TOX2: variants seen among roughly 807,000 people sequenced by gnomAD.
TOX2 encodes the protein TOX high mobility group box family member 2.
A neutral mutation model predicts 47.4 loss-of-function variants in TOX2; 15 were observed. The observed-to-expected ratio is 0.32, with a 90% CI of 0.21 to 0.49. The LOEUF (loss-of-function observed/expected upper bound fraction) is 0.49. Among genes scored for constraint, TOX2 ranks in the 20% least tolerant of loss-of-function variants. TOX2 has a pLI of 0.99. For synonymous variants in TOX2, 290 were observed against 296.6 expected (o/e 0.98, Z 0.23); for missense variants, 622 against 673.1 (o/e 0.92, Z 0.84).
At chr20:43,948,155 A>G (rs2069502339) in intron 1 of TOX2, among the ~76,000 whole-genome samples, 1 of 152,210 alleles carries the variant, frequency 6.6e-6, no homozygotes, top group Non-Finnish European at 1.5e-5. Flanking sequence ...GAGGCCCTGG[A>G]GAGCTTTTGC....
intron 3 of TOX2, among the ~76,000 whole-genome samples, chr20:44,032,019 G>T (rs1321102637): frequency 6.6e-6 from 1 of 152,212 alleles, no homozygotes; most frequent in Non-Finnish European, 1.5e-5. Flanking sequence ...TATGTTAGCA[G>T]GTGTTAAGTA....
At chr20:43,963,460 C>T (rs1011706460) in intron 1 of TOX2, among the ~76,000 whole-genome samples, 7 of 152,182 alleles carry the variant, frequency 4.6e-5, no homozygotes, top group African/African-American at 1.7e-4. Flanking sequence ...CATGAGGTCA[C>T]CTTCTCTGGT....
chr20:44,046,926 A>G (rs572089368), intron 3 of TOX2, among the ~76,000 whole-genome samples: 2 of 152,346 alleles, frequency 1.3e-5, no homozygotes, highest in East Asian at 3.9e-4. Context: ...AAAAAGGAAA[A>G]ACAAACTGAT....
Position 43,915,061 on chromosome 20 carries a change from TC to T in TOX2, c.99+74del. 1 of 967,782 alleles carries T rather than the reference TC, an allele frequency of 1.0e-6. No individual in the cohort carries two copies. The allele number at this position is 967,782 out of a possible 1,614,324, so 59.9% of individuals were successfully genotyped here. A position where few individuals can be genotyped will look rare whatever the true frequency, so the allele number is the denominator to read the frequency against. ...ACCTGGCAGCTCGGGACTCAGGCGCTCCCGGGGTCACACGGGGCCGCGCACA... is the reference window on the plus strand; with the variant it reads ...ACCTGGCAGCTCGGGACTCAGGCGCTCCGGGGTCACACGGGGCCGCGCACA... On this transcript the variant is annotated intron_variant, in intron 1 of 8. Transcript: ENST00000341197. This position sits in a 1 kb window ranked among gnomAD's most constrained non-coding sequence, Gnocchi z 7.1.
chr20:43,949,695 G>A (rs1341978854), intron 1 of TOX2, among the ~76,000 whole-genome samples: 1 of 152,034 alleles, frequency 6.6e-6, no homozygotes, highest in East Asian at 1.9e-4. Flanking sequence ...GTTTATTCTC[G>A]CAGGTGTGGT....
chr20:43,926,747 T>C (rs111294720), intron 1 of TOX2, among the ~76,000 whole-genome samples: 1 of 152,200 alleles, frequency 6.6e-6, no homozygotes, highest in African/African-American at 2.4e-5. Flanking sequence ...TAAGGACCAA[T>C]GAAACATTCA....
intron 2 of TOX2, among the ~76,000 whole-genome samples, chr20:43,995,303 C>T (rs2070452834): frequency 1.3e-5 from 2 of 152,012 alleles, no homozygotes; most frequent in African/African-American, 4.8e-5. Context: ...ATTAATTTGA[C>T]TCGGTCATTA....
At chr20:44,065,029 C>T (rs1018919595) in intron 6 of TOX2, among the ~76,000 whole-genome samples, 172 bp downstream of exon 6, 1 of 152,222 alleles carries the variant, frequency 6.6e-6, no homozygotes, top group Non-Finnish European at 1.5e-5. Context: ...TCATTCTGGG[C>T]ACTTTACATG....
chr20:43,990,173 G>T (rs1438174358), intron 2 of TOX2, among the ~76,000 whole-genome samples: 3 of 152,198 alleles, frequency 2.0e-5, no homozygotes, highest in African/African-American at 4.8e-5. Context: ...CATAGGATAA[G>T]GATACCTCTA....
chr20:44,043,885 G>A (rs574741429), intron 3 of TOX2, among the ~76,000 whole-genome samples: 215 of 152,340 alleles, frequency 1.4e-3, no homozygotes, highest in African/African-American at 4.8e-3. Flanking sequence ...GGAATGGTGA[G>A]ATAAATTTTC....
rs540070671 is a variant in TOX2 at position 44,012,769 on chromosome 20, A to G, written c.411+5977A>G. Among the ~76,000 whole-genome samples the G allele has an allele frequency of 7.2e-5, 11 of 152,214 alleles. No homozygotes were observed. The South Asian group carries it at 8.3e-4, about 11-fold the overall frequency. ...GACAAGTATATGGATCTGAAGTTCA[A>G]TAGTCCTCCCACTACCAACGTCACA... On this transcript the variant is annotated intron_variant, in intron 3 of 8. Transcript: ENST00000341197.
At chr20:44,037,368 T>A (rs544001315) in intron 3 of TOX2, among the ~76,000 whole-genome samples, 2 of 152,364 alleles carry the variant, frequency 1.3e-5, no homozygotes, top group South Asian at 4.1e-4. Context: ...GGTGTCTGAC[T>A]CTGTACAAAG....
chr20:44,008,635 T>C (rs2070727796), intron 3 of TOX2, among the ~76,000 whole-genome samples: 1 of 152,222 alleles, frequency 6.6e-6, no homozygotes, highest in Non-Finnish European at 1.5e-5. Flanking sequence ...AGAGCATTTT[T>C]TTTATACCAC....
At position 44,048,718 on chromosome 20, in the gene TOX2, A is replaced by G. The variant is rs146670255; in HGVS notation, c.412-2588A>G. ...TTCAAACAAACATACAGGCAAGGAC[A>G]GCATTATTCATATCAGACTCCACTG... On this transcript the variant is annotated intron_variant, in intron 3 of 8. Transcript: ENST00000341197. 6.5e-3 allele frequency among the ~76,000 whole-genome samples: 987 copies of G among 152,176 alleles called. 8 individuals carry two copies. The highest frequency in any genetic ancestry group is 9.7e-3 in the Admixed American group (149 of 15,284).
At chr20:44,054,859 G>A (rs1449757373) in intron 5 of TOX2, among the ~76,000 whole-genome samples, 1 of 152,224 alleles carries the variant, frequency 6.6e-6, no homozygotes, top group Non-Finnish European at 1.5e-5. Context: ...CCAGGCCAGA[G>A]CTTCCTATCC....
chr20:43,970,229 CCTCT>C (rs1338731347), intron 1 of TOX2, among the ~76,000 whole-genome samples: 1 of 152,220 alleles, frequency 6.6e-6, no homozygotes, highest in Non-Finnish European at 1.5e-5. Flanking sequence ...AACTGCTTAT[CCTCT>C]CTCTATCTGT....
chr20:43,984,378 A>G (rs887506599), intron 2 of TOX2, among the ~76,000 whole-genome samples: 2 of 152,238 alleles, frequency 1.3e-5, no homozygotes, highest in African/African-American at 4.8e-5. Context: ...CATCCTGTGT[A>G]TATGGAGAGA....
intron 2 of TOX2, among the ~76,000 whole-genome samples, chr20:44,001,694 GCTCTGTGCCAGCACCTA>G (rs1344020243): frequency 6.3e-5 from 1 of 15,990 alleles, no homozygotes; most frequent in Non-Finnish European, 1.3e-4. Context: ...GCCAGCACCT[GCTCTGTGCCAGCACCTA>G]TTTTAACAGT....
intron 5 of TOX2, among the ~76,000 whole-genome samples, chr20:44,059,227 C>T (rs915328689): frequency 6.6e-6 from 1 of 152,126 alleles, no homozygotes; most frequent in Non-Finnish European, 1.5e-5. Context: ...ATGCAAAATA[C>T]ACTGGGAAGT....
Sources: allele counts gnomAD v4.1 joint callset (sites outside exome capture counted in the v4.1 genomes callset), GRCh38; gene constraint gnomAD v4.1.1; non-coding constraint Gnocchi (gnomAD v3.1); transcripts MANE v1.5; gene names NCBI Gene and HGNC (gene_info 2026-07-23, HGNC 2026-07-21).